FRMPD4: variants seen among roughly 807,000 people sequenced by gnomAD.
FRMPD4 encodes FERM and PDZ domain containing 4.
A neutral mutation model predicts 94.1 loss-of-function variants in FRMPD4; 22 were observed. The ratio of observed to expected loss-of-function variants is 0.23; its 90% CI spans 0.17 to 0.33. The LOEUF is 0.33. FRMPD4 is among the 10% of genes least tolerant of loss of function. The pLI is 1.00. For missense variants in FRMPD4, 1,111 were observed against 1,339.9 expected, an observed-to-expected ratio of 0.83 and a Z score of 2.67; for synonymous variants, 631 against 548.6, an observed-to-expected ratio of 1.15 and a Z score of -2.10.
chrX:12,115,068 G>A (rs184884883), intron 3 of FRMPD4, among the ~76,000 whole-genome samples: 156 of 111,818 alleles, frequency 1.4e-3, no homozygotes, highest in African/African-American at 4.8e-3. Flanking sequence ...TTCCTAACAG[G>A]GGTAGACCAG....
chrX:12,212,569 C>T (rs770114623), intron 1 of FRMPD4, among the ~76,000 whole-genome samples: 1 of 111,315 alleles, frequency 9.0e-6, no homozygotes, highest in East Asian at 2.8e-4. Flanking sequence ...GCCTAGACTT[C>T]TAGGTGAGAC....
intron 1 of FRMPD4, among the ~76,000 whole-genome samples, chrX:12,165,547 C>T (rs2056102106): frequency 1.8e-5 from 2 of 111,419 alleles, no homozygotes; most frequent in South Asian, 7.5e-4. Context: ...TTTTTTGGTT[C>T]CATACGAACT....
intron 3 of FRMPD4, among the ~76,000 whole-genome samples, chrX:12,033,226 T>G (rs2054702006): frequency 2.7e-5 from 3 of 111,627 alleles, no homozygotes; most frequent in African/African-American, 9.8e-5. Flanking sequence ...TCCATAAAAC[T>G]AAATTAAGTG....
intron 1 of FRMPD4, among the ~76,000 whole-genome samples, chrX:12,216,946 T>C (rs1379466932): frequency 8.9e-6 from 1 of 111,960 alleles, no homozygotes; most frequent in Non-Finnish European, 1.9e-5. Flanking sequence ...GCAAGGTTTC[T>C]GCTCTGCCCT....
chrX:12,262,414 A>G (rs2054203429), intron 1 of FRMPD4, among the ~76,000 whole-genome samples: 2 of 111,414 alleles, frequency 1.8e-5, no homozygotes, highest in African/African-American at 6.5e-5. Flanking sequence ...ATCTGGCCCT[A>G]TACAGATAAA....
rs916328249 is a variant in FRMPD4, at chrX:11,968,711, A to G, written c.95+90693A>G. On this transcript the variant is annotated intron_variant, in intron 3 of 18. Transcript: ENST00000640291. ...CCTTAGCTTGGAACTCCAAACATGC[A>G]TTCTTCTTACACCATAGGGTCATTG... is the stretch of plus-strand genomic sequence containing the variant. Among the ~76,000 whole-genome samples, 13 of 111,449 alleles carry G rather than the reference A, an allele frequency of 1.2e-4. No homozygotes were observed. In the East Asian group the frequency reaches 3.7e-3, roughly 32 times the overall value.
At chrX:12,405,264 T>C (rs1460594878) in intron 1 of FRMPD4, among the ~76,000 whole-genome samples, 1 of 111,433 alleles carries the variant, frequency 9.0e-6, no homozygotes, top group Admixed American at 9.5e-5. Flanking sequence ...GGGAAAATAA[T>C]TGTAGAAAAA....
intron 3 of FRMPD4, among the ~76,000 whole-genome samples, chrX:12,065,328 T>G (rs1338174031): frequency 1.8e-5 from 2 of 112,350 alleles, no homozygotes; most frequent in African/African-American, 6.5e-5. Flanking sequence ...TGACTCATGG[T>G]AGAAGAAGGG....
intron 3 of FRMPD4, among the ~76,000 whole-genome samples, chrX:11,917,342 G>C (rs2054030056): frequency 8.9e-6 from 1 of 112,148 alleles, no homozygotes. Flanking sequence ...AGATTTATCA[G>C]AGAACTAAAA....
intron 9 of FRMPD4, among the ~76,000 whole-genome samples, chrX:12,698,211 C>T (rs1471153304): frequency 8.9e-6 from 1 of 111,777 alleles, no homozygotes; most frequent in African/African-American, 3.2e-5. Context: ...ACAGAAGTTG[C>T]AATAGTAATA....
intron 10 of FRMPD4, 121 bp downstream of exon 10, chrX:12,702,131 G>A: frequency 1.4e-5 from 9 of 647,546 alleles, no homozygotes; most frequent in Non-Finnish European, 2.2e-5. Context: ...TTCGCCAGTG[G>A]CAAAATGTAT....
chrX:12,423,429 G>A (rs944748655), intron 1 of FRMPD4, among the ~76,000 whole-genome samples: 1 of 111,089 alleles, frequency 9.0e-6, no homozygotes, highest in Non-Finnish European at 1.9e-5. Context: ...GTTTTAAAGG[G>A]AAGGAAAACA....
At chrX:12,347,351 C>T (rs1451193774) in intron 1 of FRMPD4, among the ~76,000 whole-genome samples, 1 of 110,849 alleles carries the variant, frequency 9.0e-6, no homozygotes, top group Non-Finnish European at 1.9e-5. Flanking sequence ...GATCCTTCTG[C>T]CTCAGCCTCT....
chrX:11,989,130 A>T (rs1412708840), intron 3 of FRMPD4, among the ~76,000 whole-genome samples: 2 of 112,047 alleles, frequency 1.8e-5, no homozygotes, highest in Non-Finnish European at 3.8e-5. Context: ...AAAGGAAGTA[A>T]ATATATCAAA....
At chrX:11,867,420 TAAC>T (rs945366024) in intron 2 of FRMPD4, among the ~76,000 whole-genome samples, 45 of 111,417 alleles carry the variant, frequency 4.0e-4, no homozygotes, top group Non-Finnish European at 6.0e-4. Context: ...TGAATTCACT[TAAC>T]AAGGCATATA....
In FRMPD4 at chrX:12,701,974, C is replaced by A. The variant is rs757283278; in HGVS notation, c.1034C>A (p.Thr345Asn). 10 of 1,210,030 alleles carry A rather than the reference C, an allele frequency of 8.3e-6. No individual in the cohort carries two copies. Among genetic ancestry groups the A allele is most frequent in the Non-Finnish European group, 1.0e-5 (9 of 894,050 alleles). The change falls in exon 10 of 17, where the codon ACC becomes AAC. Residue 345 changes from threonine to asparagine, a missense_variant. Thr to Asn is a moderately conservative substitution (Grantham distance 65). Transcript: ENST00000675598. ...CAAATGTACATTGCAACCGTTACCA[C>A]CAAGCAAACGCAGAAAATCTCCCTC... ...ALQMYIATVT[T>N]KQTQKISLKY...
chrX:12,296,686 A>T (rs763960953), intron 1 of FRMPD4, among the ~76,000 whole-genome samples: 6 of 112,277 alleles, frequency 5.3e-5, no homozygotes, highest in African/African-American at 1.9e-4. Flanking sequence ...AGATTCAACT[A>T]ACCCTGGCCA....
Position 12,217,651 on chromosome X carries a change from G to C in FRMPD4, c.41+78639G>C, listed in dbSNP as rs914868456. Among the ~76,000 whole-genome samples the C allele has an allele frequency of 6.2e-5, 7 of 112,015 alleles. No homozygotes were observed. In the South Asian group the frequency reaches 1.5e-3, roughly 24 times the overall value. On this transcript the variant is annotated intron_variant, in intron 1 of 16. Coordinates refer to ENST00000675598, the MANE Select transcript of FRMPD4 (RefSeq NM_001368397.1). ...CCACTCTTATAAAATTTTCCACCCA[G>C]GTCAGAGGTCAGTAAACCGTGCCCT...
At chrX:12,480,862 T>G (rs183486022) in intron 1 of FRMPD4, among the ~76,000 whole-genome samples, 2 of 112,143 alleles carry the variant, frequency 1.8e-5, no homozygotes, top group African/African-American at 6.5e-5. Flanking sequence ...AACATGAACT[T>G]TGGTATGGAT....
Sources: gnomAD v4.1 joint callset for allele counts (sites outside exome capture counted in the v4.1 genomes callset) on GRCh38, gnomAD v4.1.1 for gene constraint, MANE v1.5 for transcripts, NCBI Gene and HGNC (gene_info 2026-07-23, HGNC 2026-07-21) for gene names.